Variants in RASAL1 observed in about 807,000 individuals in gnomAD.
RASAL1 encodes the protein rasGAP-activating-like protein 1.
RASAL1 carries 72 observed loss-of-function variants against 96.6 expected under a neutral mutation model. The observed-to-expected ratio is 0.75, with a 90% CI of 0.62 to 0.91. The LOEUF (loss-of-function observed/expected upper bound fraction) is 0.91, where lower values mean the gene tolerates loss of function less well. Among genes scored for constraint, RASAL1 ranks in the 40% least tolerant of loss-of-function variants. RASAL1 has a pLI of 0.00. For synonymous variants in RASAL1, 405 were observed against 430.4 expected (o/e 0.94, Z 0.73); for missense variants, 1,016 against 1,072.5 (o/e 0.95, Z 0.74).
Position 113,130,819 on chromosome 12 carries a change from C to T in RASAL1, c.122+66G>A. 1 of 1,362,986 alleles carries T rather than the reference C, an allele frequency of 7.3e-7. No individual in the cohort carries two copies. Among genetic ancestry groups the T allele is most frequent in the Non-Finnish European group, 1.0e-6 (1 of 972,194 alleles). 84.4% of individuals were successfully genotyped at this position (1,362,986 alleles called of 1,614,324 possible). On this transcript the variant is annotated intron_variant, in intron 2 of 20. Transcript: ENST00000548055. The surrounding 1 kb of genome is among the most constrained non-coding windows in gnomAD (Gnocchi z 5.1). ...CTCCTTTAAATGTGAATTCTTGGTC[C>T]CAGATTCCCCAGGTCTAGAAAGAGA... is the stretch of plus-strand genomic sequence containing the variant.
In RASAL1 at chr12:113,104,263, G is replaced by A. The variant is rs141550692; in HGVS notation, c.1866C>T (p.Ala622=). The A allele has an allele frequency of 1.9e-6, 3 of 1,589,208 alleles. No individual in the cohort carries two copies. Among genetic ancestry groups the A allele is most frequent in the Non-Finnish European group, 2.6e-6 (3 of 1,167,968 alleles). Residue 622 remains alanine, a synonymous_variant, in exon 17 of 21, where the codon GCC becomes GCT. Coordinates refer to ENST00000548055, the MANE Select transcript of RASAL1 (RefSeq NM_001301202.2). The part of the protein sequence containing the change: ...CHSIPVSHIR[A]VERVDEGAFQ... ...AGGCGCCCTCGTCTACGCGCTCCAC[G>A]GCGCGGATGTGAGACACGGGGATGG...
chr12:113,117,657 G>C (rs1300463742), intron 7 of RASAL1, among the ~76,000 whole-genome samples: 1 of 152,126 alleles, frequency 6.6e-6, no homozygotes, highest in Admixed American at 6.6e-5. Context: ...ACCGCAATTA[G>C]TTGTGCCGCT....
intron 19 of RASAL1, among the ~76,000 whole-genome samples, chr12:113,101,421 A>G (rs1950437941): frequency 6.6e-6 from 1 of 152,126 alleles, no homozygotes; most frequent in African/African-American, 2.4e-5. Context: ...GTCTAAGTAA[A>G]TAAATAAATA....
intron 19 of RASAL1, 113 bp from the exon 20 acceptor site, chr12:113,100,793 C>CCATCAT (rs555389761): frequency 1.3e-6 from 1 of 785,094 alleles, no homozygotes; most frequent in Admixed American, 2.1e-5. Flanking sequence ...TCACCATCTA[C>CCATCAT]CATCATCATC....
At position 113,121,526 on chromosome 12, in the gene RASAL1, G is replaced by A. The variant is rs766695912; in HGVS notation, c.411C>T (p.Cys137=). The change falls in exon 5 of 21, where the codon TGC becomes TGT. Residue 137 remains cysteine, a synonymous_variant. Transcript: ENST00000548055. ...LEDGQGRCLR[C]HVLQARDLAP... is the part of the protein sequence containing the mutation. ...AAGCATACCTGGCCTGAAGCACATG[G>A]CAGCGAAGGCAGCGGCCCTGCCCAT... 1.2e-6 allele frequency: 2 copies of A among 1,614,144 alleles called. No individual in the cohort carries two copies. Among genetic ancestry groups the A allele is most frequent in the East Asian group, 2.2e-5 (1 of 44,890 alleles).
At chr12:113,131,583 A>G (rs1438291063) in intron 1 of RASAL1, among the ~76,000 whole-genome samples, 1 of 152,184 alleles carries the variant, frequency 6.6e-6, no homozygotes, top group Non-Finnish European at 1.5e-5. Flanking sequence ...CCAGGCTTCA[A>G]AATCAACCCT....
At chr12:113,125,788 T>A (rs1268946795) in intron 4 of RASAL1, among the ~76,000 whole-genome samples, 1 of 152,256 alleles carries the variant, frequency 6.6e-6, no homozygotes, top group African/African-American at 2.4e-5. Context: ...GTGTGAAATT[T>A]TATTTGTACA....
intron 3 of RASAL1, 86 bp downstream of exon 3, chr12:113,127,979 T>A: frequency 6.5e-7 from 1 of 1,547,016 alleles, no homozygotes; most frequent in Non-Finnish European, 8.9e-7. Context: ...CACACCCTCG[T>A]GGGCTGTGGA....
intron 12 of RASAL1, among the ~76,000 whole-genome samples, chr12:113,113,302 C>G (rs569748904): frequency 3.9e-5 from 6 of 152,246 alleles, no homozygotes; most frequent in African/African-American, 1.4e-4. Flanking sequence ...GGGTAAGTAG[C>G]CTTACTTGTT....
rs1055637035 is a variant in RASAL1, at chr12:113,104,044, C to A, written c.2006G>T (p.Arg669Leu). 1.3e-6 allele frequency: 2 copies of A among 1,568,954 alleles called. No individual in the cohort carries two copies. Among genetic ancestry groups the A allele is most frequent in the Non-Finnish European group, 1.7e-6 (2 of 1,154,658 alleles). The change falls in exon 18 of 21, where the codon CGC (arginine) becomes CTC (leucine). Residue 669 changes from arginine (R) to leucine (L), a missense_variant. Coordinates refer to ENST00000548055, the MANE Select transcript of RASAL1 (RefSeq NM_001301202.2). Reference protein sequence around the residue: ...NELNQWLSALRKASAPNPNKL... With the variant: ...NELNQWLSALLKASAPNPNKL... ...GTTCGGGTTGGGGGCGCTGGCCTTG[C>A]GCAAGGCCGAGAGCCACTGGTTGAG...
chr12:113,103,013 C>T (rs1950504691), intron 18 of RASAL1: 1 of 282,650 alleles, frequency 3.5e-6, no homozygotes. Flanking sequence ...AGCACCTCCT[C>T]CAGGAAGCCC....
At chr12:113,121,099 G>A (rs1004380833) in intron 5 of RASAL1, among the ~76,000 whole-genome samples, 14 of 152,210 alleles carry the variant, frequency 9.2e-5, no homozygotes, top group African/African-American at 3.4e-4. Context: ...ACAGAGACCA[G>A]CAGAGCTAAA....
Position 113,099,713 on chromosome 12 carries a change from G to A in RASAL1, c.*216C>T. On this transcript the variant is annotated 3_prime_UTR_variant, in exon 21 of 21. Coordinates refer to ENST00000548055, the MANE Select transcript of RASAL1 (RefSeq NM_001301202.2). ...ATCCACTCCAGTCTGAATCAAGCCA[G>A]AGGGCAAGTTTCACTCAGTGCAAGG... 1 of 513,200 alleles carries A rather than the reference G, an allele frequency of 1.9e-6. No individual in the cohort carries two copies. Among genetic ancestry groups the A allele is most frequent in the Non-Finnish European group, 3.2e-6 (1 of 309,898 alleles). 31.8% of individuals were successfully genotyped at this position (513,200 alleles called of 1,614,324 possible). A position where few individuals can be genotyped will look rare whatever the true frequency, so the allele number is the denominator to read the frequency against.
chr12:113,109,966 C>T (rs1950809168), intron 13 of RASAL1, among the ~76,000 whole-genome samples: 3 of 152,218 alleles, frequency 2.0e-5, no homozygotes, highest in African/African-American at 7.2e-5. Flanking sequence ...GGAGGAAGTC[C>T]CTGCTCCAGG....
intron 14 of RASAL1, 22 bp downstream of exon 14, chr12:113,108,062 TG>T (rs1333548253): frequency 6.2e-7 from 1 of 1,601,220 alleles, no homozygotes; most frequent in Non-Finnish European, 8.5e-7. Flanking sequence ...GTACCTAGGA[TG>T]GGGGAAACCC....
rs1951026826 is a variant in RASAL1 at position 113,115,130 on chromosome 12, G to A, written c.1068+70C>T. On this transcript the variant is annotated intron_variant, in intron 11 of 20. Transcript: ENST00000548055. This position sits in a 1 kb window ranked among gnomAD's most constrained non-coding sequence, Gnocchi z 4.1. ...TGTCTGAAGCCAGCTAAGTGAGGGAGCCAGGTAGGCACTGGGAAGGAGGTA... is the reference window on the plus strand; with the variant it reads ...TGTCTGAAGCCAGCTAAGTGAGGGAACCAGGTAGGCACTGGGAAGGAGGTA... 15 of 1,462,442 alleles carry A rather than the reference G, an allele frequency of 1.0e-5. No homozygotes were observed. The highest frequency in any genetic ancestry group is 1.4e-5 in the Non-Finnish European group (15 of 1,043,962). The allele number at this position is 1,462,442 out of a possible 1,614,324, so 90.6% of individuals were successfully genotyped here.
At chr12:113,108,920 C>T (rs546077541) in intron 13 of RASAL1, among the ~76,000 whole-genome samples, 1 of 151,288 alleles carries the variant, frequency 6.6e-6, no homozygotes, top group South Asian at 2.1e-4. Flanking sequence ...CTGCAACCTC[C>T]ACCTCCCAGT....
chr12:113,100,426 G>A (rs1424226178), intron 20 of RASAL1, among the ~76,000 whole-genome samples: 1 of 152,140 alleles, frequency 6.6e-6, no homozygotes, highest in African/African-American at 2.4e-5. Context: ...AGCCTCCCCA[G>A]TAGCTGGGAT....
intron 19 of RASAL1, among the ~76,000 whole-genome samples, chr12:113,101,507 A>C (rs1280143568): frequency 1.3e-5 from 2 of 152,182 alleles, no homozygotes; most frequent in Non-Finnish European, 2.9e-5. Context: ...CAGCTTCAGA[A>C]CCCACTCTAT....
Sources: gnomAD v4.1 joint callset for allele counts (sites outside exome capture counted in the v4.1 genomes callset) on GRCh38, gnomAD v4.1.1 for gene constraint, Gnocchi (gnomAD v3.1) non-coding constraint, MANE v1.5 for transcripts, NCBI Gene and HGNC (gene_info 2026-07-23, HGNC 2026-07-21) for gene names.